The following PLCH1 variants were observed in gnomAD, a reference collection of about 807,000 sequenced individuals.
PLCH1 encodes the protein 1-phosphatidylinositol 4,5-bisphosphate phosphodiesterase eta-1.
PLCH1 carries 60 observed loss-of-function variants against 126.7 expected under a neutral mutation model. That is an observed-to-expected ratio of 0.47 (90% CI 0.38 to 0.59). The LOEUF (loss-of-function observed/expected upper bound fraction) is 0.59, where lower values mean the gene tolerates loss of function less well. Among genes scored for constraint, PLCH1 ranks in the 20% least tolerant of loss-of-function variants. The pLI is 0.00. For missense variants in PLCH1, 1,723 were observed against 2,040.0 expected (o/e 0.84, Z 2.99); for synonymous variants, 719 against 734.9 (o/e 0.98, Z 0.35).
intron 2 of PLCH1, among the ~76,000 whole-genome samples, chr3:155,612,377 T>C (rs1589238): frequency 0.5 from 73,810 of 148,336 alleles, 20,426 homozygotes; most frequent in African/African-American, 0.74. Context: ...TAAATGCCTA[T>C]ATCAAAAAGT....
At chr3:155,534,047 G>C (rs597718) in intron 10 of PLCH1, among the ~76,000 whole-genome samples, 130,052 of 152,222 alleles carry the variant, frequency 0.85, 56,459 homozygotes, top group Middle Eastern at 0.95. Flanking sequence ...GGAGTTGGAG[G>C]CCCCATACAA....
At chr3:155,574,286 G>A (rs1320948862) in intron 6 of PLCH1, among the ~76,000 whole-genome samples, 1 of 152,136 alleles carries the variant, frequency 6.6e-6, no homozygotes, top group Non-Finnish European at 1.5e-5. Flanking sequence ...AGGGTTGGAG[G>A]AGAAAATCTG....
At chr3:155,612,619 A>G (rs1169235301) in intron 2 of PLCH1, among the ~76,000 whole-genome samples, 1 of 152,164 alleles carries the variant, frequency 6.6e-6, no homozygotes, top group Non-Finnish European at 1.5e-5. Context: ...TAACCAAGAA[A>G]AAAAGAGAGG....
At chr3:155,592,174 TAA>T (rs11329108) in intron 4 of PLCH1, among the ~76,000 whole-genome samples, 11,310 of 129,298 alleles carry the variant, frequency 0.087, 460 homozygotes, top group Middle Eastern at 0.12. Flanking sequence ...TTTTCTCTTT[TAA>T]AAAAAAAAAA....
intron 6 of PLCH1, among the ~76,000 whole-genome samples, chr3:155,572,646 C>T (rs1364202827): frequency 6.6e-6 from 1 of 151,316 alleles, no homozygotes; most frequent in Non-Finnish European, 1.5e-5. Flanking sequence ...TTATTTTTTT[C>T]TATTTCTTTT....
At chr3:155,519,840 A>AT (rs1198120035) in intron 11 of PLCH1, among the ~76,000 whole-genome samples, 2 of 149,758 alleles carry the variant, frequency 1.3e-5, no homozygotes, top group South Asian at 2.1e-4. Context: ...CATCCCCCCA[A>AT]TTTTTTTTTC....
At chr3:155,521,158 T>C (rs1029470552) in intron 11 of PLCH1, among the ~76,000 whole-genome samples, 2 of 152,192 alleles carry the variant, frequency 1.3e-5, no homozygotes, top group South Asian at 4.1e-4. Flanking sequence ...CCCTTACATA[T>C]ACACATGCAT....
At chr3:155,556,464 G>T (rs1005690284) in intron 8 of PLCH1, among the ~76,000 whole-genome samples, 4 of 152,130 alleles carry the variant, frequency 2.6e-5, no homozygotes, top group African/African-American at 9.7e-5. Flanking sequence ...ATTACCCCAG[G>T]AGATATCTCT....
intron 2 of PLCH1, among the ~76,000 whole-genome samples, chr3:155,679,427 C>T (rs1235031019): frequency 6.6e-6 from 1 of 152,106 alleles, no homozygotes; most frequent in Non-Finnish European, 1.5e-5. Flanking sequence ...GTGGTAGAGG[C>T]CAAGGGCCTA....
intron 10 of PLCH1, among the ~76,000 whole-genome samples, chr3:155,529,731 G>C (rs1369736027): frequency 3.3e-5 from 5 of 150,986 alleles, no homozygotes; most frequent in African/African-American, 1.2e-4. Flanking sequence ...GGTTGCTGAA[G>C]GTTAGGTGAC....
At chr3:155,722,656 T>C (rs1463180585) in intron 1 of PLCH1, among the ~76,000 whole-genome samples, 1 of 152,242 alleles carries the variant, frequency 6.6e-6, no homozygotes, top group East Asian at 1.9e-4. Flanking sequence ...CATCCCTGCA[T>C]CCCTAGTATG....
chr3:155,477,645 G>A (rs1051696495), downstream of PLCH1, among the ~76,000 whole-genome samples: 5 of 152,002 alleles, frequency 3.3e-5, no homozygotes, highest in African/African-American at 9.7e-5. Flanking sequence ...ATATGAAAAG[G>A]TGCTCAACAT....
chr3:155,455,807 T>C (rs986054253), intron 21 of PLCH1, among the ~76,000 whole-genome samples: 4 of 152,260 alleles, frequency 2.6e-5, no homozygotes, highest in Non-Finnish European at 5.9e-5. Flanking sequence ...TAGGCTATCT[T>C]TTCTTTTCCT....
At chr3:155,650,251 C>A (rs748606422) in intron 2 of PLCH1, among the ~76,000 whole-genome samples, 5 of 152,172 alleles carry the variant, frequency 3.3e-5, no homozygotes, top group Non-Finnish European at 5.9e-5. Flanking sequence ...AAATTTCCAG[C>A]AATGACACAA....
chr3:155,460,787 A>AAGAT (rs142518324), intron 21 of PLCH1, among the ~76,000 whole-genome samples: 12,916 of 146,350 alleles, frequency 0.088, 542 homozygotes, highest in Non-Finnish European at 0.097. Context: ...ATAGATATAG[A>AAGAT]AGATAGATAG....
chr3:155,476,518 G>A (rs1334020914), downstream of PLCH1, among the ~76,000 whole-genome samples: 1 of 152,084 alleles, frequency 6.6e-6, no homozygotes, highest in African/African-American at 2.4e-5. Flanking sequence ...CTTGTTTAAG[G>A]ATGATATGAT....
chr3:155,494,190 C>T lies in PLCH1; in HGVS notation c.2133G>A (p.Lys711=), dbSNP rs767167777. 3.1e-5 allele frequency: 50 copies of T among 1,614,128 alleles called. No individual in the cohort carries two copies. The highest frequency in any genetic ancestry group is 4.2e-5 in the Non-Finnish European group (49 of 1,180,006). ...RMMQLNRAKF[K]ANGNCGYVLK... ...GGACATAGCCACAATTGCCATTTGC[C>T]TTGAATTTGGCTCGGTTTAACTGCA... Residue 711 remains lysine (K), a synonymous_variant, in exon 17 of 23, where the codon AAG becomes AAA. Coordinates refer to ENST00000460012, the MANE Select transcript of PLCH1 (RefSeq NM_014996.4).
At chr3:155,570,746 A>G (rs1007177016) in intron 6 of PLCH1, among the ~76,000 whole-genome samples, 1 of 152,188 alleles carries the variant, frequency 6.6e-6, no homozygotes, top group African/African-American at 2.4e-5. Flanking sequence ...TCTTGACTTC[A>G]AGTCCAAAGC....
intron 8 of PLCH1, among the ~76,000 whole-genome samples, chr3:155,560,450 G>A (rs1238392594): frequency 1.3e-5 from 2 of 152,086 alleles, no homozygotes; most frequent in African/African-American, 4.8e-5. Context: ...CTACTCAATT[G>A]TTAATCACTA....
Sources: gnomAD v4.1 joint callset for allele counts (sites outside exome capture counted in the v4.1 genomes callset) on GRCh38, gnomAD v4.1.1 for gene constraint, MANE v1.5 for transcripts, NCBI Gene and HGNC (gene_info 2026-07-23, HGNC 2026-07-21) for gene names.